Variants in BTG4 observed in about 807,000 individuals in gnomAD.
The protein encoded by BTG4 is protein BTG4.
BTG4 carries 10 observed loss-of-function variants against 19.3 expected under a neutral mutation model. The ratio of observed to expected loss-of-function variants is 0.52; its 90% CI spans 0.32 to 0.88. BTG4 has a LOEUF of 0.88. Ranked by LOEUF, BTG4 falls within the 40% of genes least tolerant of loss-of-function variation. The pLI, the probability that BTG4 is intolerant of heterozygous loss-of-function variation, is 0.04. For synonymous variants in BTG4, 91 were observed against 95.7 expected, an observed-to-expected ratio of 0.95 and a Z score of 0.29; for missense variants, 238 against 281.9, an observed-to-expected ratio of 0.84 and a Z score of 1.11.
At chr11:111,471,293 AC>A (rs1864047006) in intron 5 of BTG4, among the ~76,000 whole-genome samples, 1 of 152,204 alleles carries the variant, frequency 6.6e-6, no homozygotes, top group Non-Finnish European at 1.5e-5. Flanking sequence ...TGTCCCGTAC[AC>A]ATATCTCCAT....
At chr11:111,400,507 T>C in the BTG4 span, among the ~76,000 whole-genome samples, 1 of 152,220 alleles carries the variant, frequency 6.6e-6, no homozygotes, top group Non-Finnish European at 1.5e-5. Context: ...ATGTCTGAAC[T>C]TTAATATAGC....
At chr11:111,388,823 C>A in the BTG4 span, among the ~76,000 whole-genome samples, 1 of 152,212 alleles carries the variant, frequency 6.6e-6, no homozygotes, top group Non-Finnish European at 1.5e-5. Flanking sequence ...ATGCCCTGTT[C>A]CCCTTGAGCT....
chr11:111,494,176 G>A (rs1007893697), downstream of BTG4, among the ~76,000 whole-genome samples: 18 of 152,148 alleles, frequency 1.2e-4, no homozygotes, highest in Non-Finnish European at 2.9e-5. Flanking sequence ...TTTGAAGTAG[G>A]AGAAAACAAA....
chr11:111,454,855 G>A, the BTG4 span: 1 of 395,316 alleles, frequency 2.5e-6, no homozygotes, highest in Non-Finnish European at 5.2e-6. Context: ...GTGGGGTTCT[G>A]GAGTCTCTCC....
the BTG4 span, among the ~76,000 whole-genome samples, chr11:111,445,241 TG>T: frequency 6.6e-6 from 1 of 152,184 alleles, no homozygotes; most frequent in Non-Finnish European, 1.5e-5. Flanking sequence ...TAAAATGAGA[TG>T]TTGGAATGAA....
At chr11:111,435,852 C>T in the BTG4 span, among the ~76,000 whole-genome samples, 1 of 152,170 alleles carries the variant, frequency 6.6e-6, no homozygotes, top group African/African-American at 2.4e-5. Context: ...CCTCACTGAC[C>T]TGGGCCTCAG....
At chr11:111,414,305 G>A in the BTG4 span, 2 of 152,290 alleles carry the variant, frequency 1.3e-5, no homozygotes, top group Admixed American at 6.5e-5. Context: ...AGAGCCCTCA[G>A]TCCCTCAATG....
the BTG4 span, among the ~76,000 whole-genome samples, chr11:111,428,200 G>A: frequency 6.9e-4 from 105 of 152,254 alleles, no homozygotes; most frequent in African/African-American, 2.2e-3. Flanking sequence ...AGTATAGAAT[G>A]GAAATACTGG....
At chr11:111,416,469 G>A in the BTG4 span, 1 of 152,202 alleles carries the variant, frequency 6.6e-6, no homozygotes, top group African/African-American at 2.4e-5. Context: ...GGCTTCCTGA[G>A]GTCAGGTCGG....
intron 5 of BTG4, among the ~76,000 whole-genome samples, chr11:111,469,557 A>G (rs2135523382): frequency 6.6e-6 from 1 of 152,314 alleles, no homozygotes; most frequent in African/African-American, 2.4e-5. Context: ...ACTGCTTCAC[A>G]GAAGTGGTTT....
At chr11:111,428,657 T>C in the BTG4 span, among the ~76,000 whole-genome samples, 291 of 152,326 alleles carry the variant, frequency 1.9e-3, 1 homozygote, top group African/African-American at 6.8e-3. Context: ...AGGTCCTATC[T>C]CTGAACTTCT....
the BTG4 span, among the ~76,000 whole-genome samples, chr11:111,406,352 G>C: frequency 1.3e-5 from 2 of 152,198 alleles, no homozygotes; most frequent in African/African-American, 4.8e-5. Context: ...TCGGGGATGA[G>C]TGGATGGCTC....
chr11:111,437,999 T>C, the BTG4 span, among the ~76,000 whole-genome samples: 1 of 152,296 alleles, frequency 6.6e-6, no homozygotes, highest in East Asian at 1.9e-4. Flanking sequence ...GCTATGACTC[T>C]GACTATACTA....
chr11:111,510,427 C>G (rs1866804689), intron 1 of BTG4, among the ~76,000 whole-genome samples: 1 of 152,220 alleles, frequency 6.6e-6, no homozygotes. Context: ...GTAAACAATT[C>G]CCCTGAAAGG....
intron 4 of BTG4, among the ~76,000 whole-genome samples, chr11:111,495,610 A>G (rs1426606743): frequency 6.6e-6 from 1 of 152,118 alleles, no homozygotes; most frequent in Non-Finnish European, 1.5e-5. Context: ...TGCCAACCCA[A>G]TCCAAAACTG....
At chr11:111,507,949 T>G (rs1591537302) in intron 1 of BTG4, 1 of 152,196 alleles carries the variant, frequency 6.6e-6, no homozygotes, top group South Asian at 2.1e-4. Context: ...CTTCAATCTC[T>G]TTTCAGTTCT....
At chr11:111,457,098 C>T in the BTG4 span, 1 of 153,182 alleles carries the variant, frequency 6.5e-6, no homozygotes. Context: ...CCATCCTGCC[C>T]TATGTGCCCT....
the BTG4 span, among the ~76,000 whole-genome samples, chr11:111,407,636 A>G: frequency 6.6e-6 from 1 of 152,184 alleles, no homozygotes; most frequent in Non-Finnish European, 1.5e-5. Context: ...GCACCATCGC[A>G]CTCCAGCGTG....
chr11:111,443,992 G>A, the BTG4 span, among the ~76,000 whole-genome samples: 1 of 152,322 alleles, frequency 6.6e-6, no homozygotes, highest in East Asian at 1.9e-4. Flanking sequence ...GTGCCTAAAC[G>A]ATGCCTGCTT....
Sources: gnomAD v4.1 joint callset for allele counts (sites outside exome capture counted in the v4.1 genomes callset) on GRCh38, gnomAD v4.1.1 for gene constraint, MANE v1.5 for transcripts, NCBI Gene and HGNC (gene_info 2026-07-23, HGNC 2026-07-21) for gene names.